Variants in GULP1 observed in about 807,000 individuals in gnomAD.
GULP1 encodes the protein GULP PTB domain containing engulfment adaptor 1, also known as PTB domain-containing engulfment adapter protein 1.
GULP1 carries 19 observed loss-of-function variants against 40.9 expected under a neutral mutation model. That is an observed-to-expected ratio of 0.46 (90% CI 0.32 to 0.68). The LOEUF (loss-of-function observed/expected upper bound fraction) is 0.68, where lower values mean the gene tolerates loss of function less well. Among genes scored for constraint, GULP1 ranks in the 30% least tolerant of loss-of-function variants. GULP1 has a pLI of 0.03. For synonymous variants in GULP1, 119 were observed against 117.6 expected (o/e 1.01, Z -0.08); for missense variants, 312 against 362.2 (o/e 0.86, Z 1.12).
At chr2:188,545,834 C>A (rs188009181) in intron 7 of GULP1, among the ~76,000 whole-genome samples, 10 of 151,754 alleles carry the variant, frequency 6.6e-5, no homozygotes, top group African/African-American at 2.4e-4. Flanking sequence ...ACAAGATGTT[C>A]ATTGCAAACA....
intron 4 of GULP1, among the ~76,000 whole-genome samples, chr2:188,520,596 C>T (rs1203100411): frequency 6.6e-6 from 1 of 151,704 alleles, no homozygotes; most frequent in East Asian, 1.9e-4. Flanking sequence ...TTCTCTTTGC[C>T]TCAGTGCAAC....
chr2:188,442,864 C>A (rs2058054743), intron 2 of GULP1, among the ~76,000 whole-genome samples: 2 of 152,024 alleles, frequency 1.3e-5, no homozygotes, highest in South Asian at 4.2e-4. Context: ...AGATTCTGTC[C>A]CTTCTCTCAG....
At chr2:188,567,191 A>G (rs1697924199) in intron 7 of GULP1, among the ~76,000 whole-genome samples, 3 of 152,192 alleles carry the variant, frequency 2.0e-5, no homozygotes, top group East Asian at 3.9e-4. Flanking sequence ...TGGGGATGTA[A>G]ATTAGTTCAG....
At chr2:188,469,046 G>C (rs1049354824) in intron 2 of GULP1, among the ~76,000 whole-genome samples, 2 of 152,150 alleles carry the variant, frequency 1.3e-5, no homozygotes, top group African/African-American at 4.8e-5. Context: ...CTGTTATTAG[G>C]AGAGGATGTA....
At chr2:188,443,716 T>C (rs1418731128) in intron 2 of GULP1, among the ~76,000 whole-genome samples, 1 of 151,006 alleles carries the variant, frequency 6.6e-6, no homozygotes, top group Admixed American at 6.6e-5. Flanking sequence ...AGACAGAGTC[T>C]TGCTCTGTCG....
chr2:188,368,921 A>ATATATATATATGTG (rs1421551617), intron 1 of GULP1, among the ~76,000 whole-genome samples: 1 of 66,184 alleles, frequency 1.5e-5, no homozygotes, highest in African/African-American at 8.2e-5. Flanking sequence ...ATATATATAT[A>ATATATATATATGTG]TGTATATATA....
intron 7 of GULP1, among the ~76,000 whole-genome samples, chr2:188,568,375 GTAAA>G (rs1698278470): frequency 6.6e-6 from 1 of 152,048 alleles, no homozygotes; most frequent in South Asian, 2.1e-4. Flanking sequence ...TGTTGATTAA[GTAAA>G]TAAATCTTTA....
intron 1 of GULP1, among the ~76,000 whole-genome samples, chr2:188,299,365 G>C (rs529771869): frequency 6.6e-6 from 1 of 152,286 alleles, no homozygotes; most frequent in Non-Finnish European, 1.5e-5. Flanking sequence ...GAACAGGGAA[G>C]CTCAATATAC....
intron 2 of GULP1, among the ~76,000 whole-genome samples, chr2:188,409,531 A>G (rs1318444067): frequency 5.3e-5 from 8 of 152,180 alleles, no homozygotes; most frequent in African/African-American, 1.4e-4. Flanking sequence ...AAACATTTAG[A>G]TAAGAATTAA....
Position 188,594,045 on chromosome 2 carries a change from T to A in GULP1, c.*34T>A. On this transcript the variant is annotated 3_prime_UTR_variant, in exon 12 of 12. Transcript: ENST00000409830. ...ACAAGAAATCCTGATTCATGTTAAA[T>A]GTGTTTGTATACACATGTCATTTAT... 1 of 1,098,602 alleles carries A rather than the reference T, an allele frequency of 9.1e-7. No individual in the cohort carries two copies. The highest frequency in any genetic ancestry group is 2.4e-5 in the East Asian group (1 of 42,474). 68.1% of individuals were successfully genotyped at this position (1,098,602 alleles called of 1,614,324 possible). A position where few individuals can be genotyped will look rare whatever the true frequency, so the allele number is the denominator to read the frequency against.
intron 4 of GULP1, among the ~76,000 whole-genome samples, chr2:188,500,692 T>C (rs1447291931): frequency 2.6e-5 from 4 of 151,920 alleles, no homozygotes; most frequent in Non-Finnish European, 5.9e-5. Flanking sequence ...ACCATCAAGA[T>C]TTTTTGAATG....
intron 9 of GULP1, among the ~76,000 whole-genome samples, chr2:188,580,887 CAT>C (rs1162989387): frequency 6.6e-6 from 1 of 152,162 alleles, no homozygotes; most frequent in Non-Finnish European, 1.5e-5. Flanking sequence ...AGATCTCTGA[CAT>C]GTGATTTGCG....
At chr2:188,440,259 G>T (rs1258589271) in intron 2 of GULP1, among the ~76,000 whole-genome samples, 3 of 152,194 alleles carry the variant, frequency 2.0e-5, no homozygotes, top group South Asian at 4.1e-4. Context: ...GAGGATAACT[G>T]TTAAAGCTTC....
In GULP1 at chr2:188,589,860, G is replaced by A; in HGVS notation, c.843+1911G>A. The A allele has an allele frequency of 4.1e-6, 2 of 492,406 alleles. 1 individual carries two copies. Among genetic ancestry groups the A allele is most frequent in the South Asian group, 8.3e-5 (2 of 24,178 alleles). 30.5% of individuals were successfully genotyped at this position (492,406 alleles called of 1,614,324 possible). On this transcript the variant is annotated intron_variant, in intron 11 of 11. Coordinates refer to ENST00000409830, the MANE Select transcript of GULP1 (RefSeq NM_016315.4). ...AAAAATTCAAACAACAGCTTCATAT[G>A]GGTATATCTGATAATTAGTTATGTT...
chr2:188,411,355 G>A (rs2053857634), intron 2 of GULP1, among the ~76,000 whole-genome samples: 1 of 152,184 alleles, frequency 6.6e-6, no homozygotes. Flanking sequence ...GGTCTCTGCT[G>A]CTGACAAATT....
intron 9 of GULP1, among the ~76,000 whole-genome samples, chr2:188,570,463 T>C (rs1432475353): frequency 3.3e-5 from 5 of 152,194 alleles, no homozygotes; most frequent in Non-Finnish European, 5.9e-5. Context: ...TAATGACCTA[T>C]GCCAGTCTCC....
intron 7 of GULP1, among the ~76,000 whole-genome samples, chr2:188,553,846 A>G (rs1172620455): frequency 5.9e-5 from 9 of 152,052 alleles, no homozygotes; most frequent in African/African-American, 9.7e-5. Flanking sequence ...TTGGCCTGCC[A>G]GGTTTTCTAT....
rs938434779 is a variant in GULP1, at chr2:188,593,809, A to C, written c.844-131A>C. The C allele has an allele frequency of 7.3e-5, 44 of 604,776 alleles. No individual in the cohort carries two copies. The African/African-American group carries it at 7.4e-4, about 10-fold the overall frequency. 37.5% of individuals were successfully genotyped at this position (604,776 alleles called of 1,614,324 possible). On this transcript the variant is annotated intron_variant, in intron 11 of 11. Coordinates refer to ENST00000409830, the MANE Select transcript of GULP1 (RefSeq NM_016315.4). ...CTATATAAAAATTCAGCAAGTCAAC[A>C]TTTGACATATAGTTATTTATTAGTT... is the stretch of plus-strand genomic sequence containing the variant.
chr2:188,318,679 C>T (rs967156001), intron 1 of GULP1, among the ~76,000 whole-genome samples: 6 of 152,216 alleles, frequency 3.9e-5, no homozygotes, highest in Admixed American at 6.5e-5. Flanking sequence ...CACTGCTTTC[C>T]GTGGGAATAA....
Sources: allele counts gnomAD v4.1 joint callset (sites outside exome capture counted in the v4.1 genomes callset), GRCh38; gene constraint gnomAD v4.1.1; transcripts MANE v1.5; gene names NCBI Gene and HGNC (gene_info 2026-07-23, HGNC 2026-07-21).